GRHL2: variants seen among roughly 807,000 people sequenced by gnomAD.
GRHL2 encodes grainyhead like transcription factor 2.
A neutral mutation model predicts 83.8 loss-of-function variants in GRHL2; 21 were observed. That is an observed-to-expected ratio of 0.25 (90% CI 0.18 to 0.36). The LOEUF (loss-of-function observed/expected upper bound fraction) is 0.36. Ranked by LOEUF, GRHL2 falls within the 10% of genes least tolerant of loss-of-function variation. The pLI is 1.00. For missense variants in GRHL2, 623 were observed against 781.8 expected (o/e 0.80, Z 2.42); for synonymous variants, 280 against 278.9 (o/e 1.00, Z -0.04).
intron 7 of GRHL2, among the ~76,000 whole-genome samples, chr8:101,597,799 G>A (rs1364603203): frequency 6.6e-6 from 1 of 151,470 alleles, no homozygotes; most frequent in East Asian, 1.9e-4. Context: ...CCTGCACATT[G>A]TGCACATGTA....
intron 1 of GRHL2, among the ~76,000 whole-genome samples, chr8:101,538,410 A>G (rs1349036856): frequency 6.6e-6 from 1 of 152,098 alleles, no homozygotes; most frequent in Non-Finnish European, 1.5e-5. Flanking sequence ...CACACAGAGA[A>G]GTCATGGATT....
intron 8 of GRHL2, among the ~76,000 whole-genome samples, chr8:101,601,215 C>CCAA (rs1243168200): frequency 4.7e-4 from 69 of 148,350 alleles, no homozygotes; most frequent in South Asian, 1.1e-3. Flanking sequence ...ACCACCACCA[C>CCAA]CAACAACAAC....
intron 8 of GRHL2, among the ~76,000 whole-genome samples, chr8:101,618,292 T>C (rs1229505627): frequency 1.3e-5 from 2 of 152,190 alleles, no homozygotes; most frequent in African/African-American, 4.8e-5. Flanking sequence ...AAAATAATTA[T>C]TTTTAGTTCT....
chr8:101,558,779 A>G lies in GRHL2; in HGVS notation c.645A>G (p.Thr215=). ...ACCAGCGCAGCACTCCGGACAGCAC[A>G]TACAGCGAGAGCTTCAAGGACGCAG... The part of the protein sequence containing the change: ...KDDQRSTPDS[T]YSESFKDAAT... The change falls in exon 4 of 16, where the codon ACA becomes ACG. Residue 215 remains threonine, a synonymous_variant. Coordinates refer to ENST00000646743, the MANE Select transcript of GRHL2 (RefSeq NM_024915.4). 6.2e-7 allele frequency: 1 copy of G among 1,614,162 alleles called. No individual in the cohort carries two copies.
At chr8:101,620,413 G>T (rs1286242269) in intron 9 of GRHL2, among the ~76,000 whole-genome samples, 1 of 152,136 alleles carries the variant, frequency 6.6e-6, no homozygotes, top group South Asian at 2.1e-4. Context: ...GCATATCAGG[G>T]CATCCGTTAT....
At chr8:101,573,506 G>A (rs1291406734) in intron 5 of GRHL2, among the ~76,000 whole-genome samples, 162 bp from the exon 6 acceptor site, 1 of 152,184 alleles carries the variant, frequency 6.6e-6, no homozygotes, top group African/African-American at 2.4e-5. Flanking sequence ...TACTAGCAAT[G>A]ACCTTTGATC....
chr8:101,626,023 G>A (rs1426520796), intron 9 of GRHL2, among the ~76,000 whole-genome samples: 1 of 152,040 alleles, frequency 6.6e-6, no homozygotes, highest in East Asian at 1.9e-4. Context: ...CATTTTTGAA[G>A]CTCTAATTTC....
intron 4 of GRHL2, among the ~76,000 whole-genome samples, chr8:101,569,799 ATTC>A (rs1301938067): frequency 6.6e-6 from 1 of 152,192 alleles, no homozygotes; most frequent in Non-Finnish European, 1.5e-5. Flanking sequence ...AACTTATTTA[ATTC>A]TTCTAATTAT....
chr8:101,513,022 C>T (rs1037163011), intron 1 of GRHL2, among the ~76,000 whole-genome samples: 1 of 152,146 alleles, frequency 6.6e-6, no homozygotes, highest in East Asian at 1.9e-4. Flanking sequence ...TAGGGGTGTA[C>T]AAACATTCAG....
the GRHL2 span, among the ~76,000 whole-genome samples, chr8:101,675,937 C>G: frequency 1.3e-5 from 2 of 152,102 alleles, no homozygotes; most frequent in South Asian, 4.2e-4. Flanking sequence ...TTTGACAAAC[C>G]TGAGAAAAAC....
At chr8:101,549,824 G>T (rs543808584) in intron 2 of GRHL2, among the ~76,000 whole-genome samples, 1 of 151,734 alleles carries the variant, frequency 6.6e-6, no homozygotes, top group Non-Finnish European at 1.5e-5. Context: ...TCCTACCATG[G>T]CTCAGCCCCT....
At chr8:101,564,231 A>G (rs761187339) in intron 4 of GRHL2, among the ~76,000 whole-genome samples, 5 of 152,208 alleles carry the variant, frequency 3.3e-5, no homozygotes, top group African/African-American at 7.2e-5. Context: ...ATATCCTACT[A>G]TGATCTTTAG....
intron 8 of GRHL2, among the ~76,000 whole-genome samples, chr8:101,611,695 G>A (rs1812753421): frequency 2.0e-5 from 3 of 150,766 alleles, no homozygotes; most frequent in Admixed American, 2.0e-4. Context: ...GTCGGAGGCT[G>A]TGGCCACAGC....
intron 14 of GRHL2, among the ~76,000 whole-genome samples, chr8:101,660,441 C>A (rs1813896542): frequency 6.6e-6 from 1 of 152,160 alleles, no homozygotes; most frequent in South Asian, 2.1e-4. Flanking sequence ...TTCTTTTAAA[C>A]ACCATATAGC....
chr8:101,665,917 A>G (rs1358159800), intron 15 of GRHL2, among the ~76,000 whole-genome samples: 2 of 152,214 alleles, frequency 1.3e-5, no homozygotes, highest in African/African-American at 2.4e-5. Flanking sequence ...TTAAAACTCT[A>G]TCAGGGATAG....
At chr8:101,641,629 A>C (rs1786368894) in intron 12 of GRHL2, among the ~76,000 whole-genome samples, 1 of 152,126 alleles carries the variant, frequency 6.6e-6, no homozygotes, top group Non-Finnish European at 1.5e-5. Flanking sequence ...TTGATCCTAC[A>C]AGGTAATGGC....
intron 7 of GRHL2, among the ~76,000 whole-genome samples, chr8:101,580,494 A>G (rs906583323): frequency 1.3e-5 from 2 of 150,394 alleles, no homozygotes; most frequent in African/African-American, 4.9e-5. Flanking sequence ...ACCTCAAGTG[A>G]TCTGCCTGCC....
chr8:101,598,457 C>A (rs1422480497), intron 7 of GRHL2, among the ~76,000 whole-genome samples: 1 of 151,914 alleles, frequency 6.6e-6, no homozygotes, highest in Non-Finnish European at 1.5e-5. Context: ...CCAGGCTGGT[C>A]TCAAGCTCCT....
intron 1 of GRHL2, among the ~76,000 whole-genome samples, chr8:101,516,296 G>A (rs1810570790): frequency 6.6e-6 from 1 of 151,356 alleles, no homozygotes; most frequent in Admixed American, 6.6e-5. Context: ...AGTATATTTA[G>A]TTCAAAATAT....
Sources: gnomAD v4.1 joint callset for allele counts (sites outside exome capture counted in the v4.1 genomes callset) on GRCh38, gnomAD v4.1.1 for gene constraint, MANE v1.5 for transcripts, NCBI Gene and HGNC (gene_info 2026-07-23, HGNC 2026-07-21) for gene names.